The following CEMIP variants were observed in gnomAD, a reference collection of about 807,000 sequenced individuals.
The protein encoded by CEMIP is cell migration-inducing and hyaluronan-binding protein.
In CEMIP, 105 loss-of-function variants were observed where a neutral mutation model predicts 156.9. The ratio of observed to expected loss-of-function variants is 0.67; its 90% CI spans 0.57 to 0.79. The LOEUF is 0.79. CEMIP is among the 30% of genes least tolerant of loss of function. The pLI is 0.00. For missense variants in CEMIP, 1,457 were observed against 1,769.4 expected (o/e 0.82, Z 3.17); for synonymous variants, 676 against 668.4 (o/e 1.01, Z -0.17).
chr15:80,804,211 G>A (rs1198119872), intron 1 of CEMIP, among the ~76,000 whole-genome samples: 2 of 152,144 alleles, frequency 1.3e-5, no homozygotes, highest in African/African-American at 4.8e-5. Flanking sequence ...ATGAGATTTG[G>A]GTGGGGACAC....
At chr15:80,880,679 G>C (rs1898621151) in intron 5 of CEMIP, among the ~76,000 whole-genome samples, 1 of 152,144 alleles carries the variant, frequency 6.6e-6, no homozygotes, top group South Asian at 2.1e-4. Context: ...CAAGTGATCT[G>C]CCTGTCTCGG....
At chr15:80,872,137 G>A (rs942240292) in intron 1 of CEMIP, among the ~76,000 whole-genome samples, 12 of 152,328 alleles carry the variant, frequency 7.9e-5, no homozygotes, top group Admixed American at 4.6e-4. Flanking sequence ...ACTTTGAACC[G>A]AAAGGTCAGG....
intron 14 of CEMIP, among the ~76,000 whole-genome samples, chr15:80,917,434 T>G (rs1900315525): frequency 6.6e-6 from 1 of 152,206 alleles, no homozygotes; most frequent in Non-Finnish European, 1.5e-5. Flanking sequence ...GCATTAAACT[T>G]GACCTCAGAT....
chr15:80,946,780 C>G, intron 28 of CEMIP, 185 bp from the exon 29 acceptor site: 2 of 627,022 alleles, frequency 3.2e-6, no homozygotes, highest in East Asian at 2.9e-5. Context: ...TCAGGATGTT[C>G]GTCACCACAT....
chr15:80,812,890 G>T (rs940946193), intron 1 of CEMIP, among the ~76,000 whole-genome samples: 3 of 152,202 alleles, frequency 2.0e-5, no homozygotes, highest in Admixed American at 6.5e-5. Context: ...TGTGTGCCCT[G>T]TTGGAAGGGT....
rs1025753266 is a variant in CEMIP, at chr15:80,906,389, G to A, written c.1412-274G>A. Among the ~76,000 whole-genome samples, 2 of 152,228 alleles carry A rather than the reference G, an allele frequency of 1.3e-5. No individual in the cohort carries two copies. The highest frequency in any genetic ancestry group is 4.8e-5 in the African/African-American group (2 of 41,464). ...GTCCAGCTAAAATGCAGGAGTCTAG[G>A]ACTGAAAAACAGAAGAGGAGACAAA... is the stretch of plus-strand genomic sequence containing the variant. On this transcript the variant is annotated intron_variant, in intron 12 of 29. Transcript: ENST00000394685. This position sits in a 1 kb window ranked among gnomAD's most constrained non-coding sequence, Gnocchi z 4.3.
rs1416934373 is a variant in CEMIP, at chr15:80,873,853, T to C, written c.-16-11T>C. ...AGGCTGCATGTCTGACTCTGTGTGC[T>C]TCTCTTTCAGGGAGCACACTGCCAG... On this transcript the variant is annotated splice_polypyrimidine_tract_variant and intron_variant, in intron 2 of 29. Transcript: ENST00000394685. 11 of 1,556,438 alleles carry C rather than the reference T, an allele frequency of 7.1e-6. No homozygotes were observed. The highest frequency in any genetic ancestry group is 4.7e-5 in the South Asian group (4 of 84,728).
chr15:80,900,672 GTGTGTATTT>G (rs1899486696), intron 12 of CEMIP, among the ~76,000 whole-genome samples: 4 of 147,828 alleles, frequency 2.7e-5, no homozygotes, highest in African/African-American at 1.0e-4. Context: ...CTGTGTGTGT[GTGTGTATTT>G]TGTGTGTGTA....
intron 1 of CEMIP, among the ~76,000 whole-genome samples, chr15:80,814,924 G>T (rs1896757711): frequency 6.6e-6 from 1 of 152,138 alleles, no homozygotes; most frequent in Non-Finnish European, 1.5e-5. Flanking sequence ...TGCCCTCAGT[G>T]ATCCTCCCCT....
chr15:80,933,518 C>T (rs2059616912), intron 23 of CEMIP, 58 bp downstream of exon 23: 5 of 1,320,382 alleles, frequency 3.8e-6, no homozygotes, highest in Non-Finnish European at 4.4e-6. Flanking sequence ...AACAAGCATT[C>T]AGTGAGTGTC....
At chr15:80,848,835 C>T (rs1398273025) in intron 1 of CEMIP, among the ~76,000 whole-genome samples, 1 of 151,010 alleles carries the variant, frequency 6.6e-6, no homozygotes, top group African/African-American at 2.4e-5. Flanking sequence ...ATCTTTTCTG[C>T]ACTCCCAGAA....
In CEMIP at chr15:80,901,617, G is replaced by A. The variant is rs181775276; in HGVS notation, c.1412-5046G>A. Reference sequence around the variant, plus strand: ...CTCGGGAGGCTGCAGCAGGAGAATCGCTTGAACCTTGGAGGTGGAGGTTGC... The same window carrying A: ...CTCGGGAGGCTGCAGCAGGAGAATCACTTGAACCTTGGAGGTGGAGGTTGC... On this transcript the variant is annotated intron_variant, in intron 12 of 29. Transcript: ENST00000394685. 2.6e-3 allele frequency among the ~76,000 whole-genome samples: 394 copies of A among 151,754 alleles called. 5 individuals carry two copies. The highest frequency in any genetic ancestry group is 1.4e-3 in the Non-Finnish European group (95 of 67,974).
intron 1 of CEMIP, among the ~76,000 whole-genome samples, chr15:80,790,701 G>A (rs768731463): frequency 2.0e-5 from 3 of 151,998 alleles, no homozygotes; most frequent in Non-Finnish European, 2.9e-5. Flanking sequence ...ATGTTGAGGG[G>A]AATATTAGAA....
chr15:80,884,412 C>A, intron 7 of CEMIP, 58 bp downstream of exon 7: 1 of 1,565,448 alleles, frequency 6.4e-7, no homozygotes, highest in Non-Finnish European at 8.8e-7. Context: ...CACTCTATCC[C>A]ACTGAGAATT....
At position 80,943,190 on chromosome 15, in the gene CEMIP, C is replaced by T. The variant is rs989305155; in HGVS notation, c.3857+88C>T. Reference sequence around the variant, plus strand: ...CCCTCCCTCTCACAAAGGCCCTCATCACAGATCAGTCTGGAAAAGCTCAGG... The same window carrying T: ...CCCTCCCTCTCACAAAGGCCCTCATTACAGATCAGTCTGGAAAAGCTCAGG... On this transcript the variant is annotated intron_variant, in intron 28 of 29. Coordinates refer to ENST00000394685, the MANE Select transcript of CEMIP (RefSeq NM_001293298.2). 3.6e-6 allele frequency: 5 copies of T among 1,402,452 alleles called. No homozygotes were observed. In the Admixed American group the frequency reaches 8.4e-5, roughly 23 times the overall value. The allele number at this position is 1,402,452 out of a possible 1,614,324, so 86.9% of individuals were successfully genotyped here.
intron 1 of CEMIP, among the ~76,000 whole-genome samples, chr15:80,863,947 C>A (rs147009043): frequency 1.2e-3 from 177 of 152,104 alleles, no homozygotes; most frequent in African/African-American, 4.1e-3. Flanking sequence ...CTTTGCCTTC[C>A]TCTCCCCTCC....
In CEMIP at chr15:80,921,159, G is replaced by C. The variant is rs1596192756; in HGVS notation, c.2073+58G>C. 1.4e-6 allele frequency: 2 copies of C among 1,462,744 alleles called. 1 individual carries two copies. The highest frequency in any genetic ancestry group is 1.9e-6 in the Non-Finnish European group (2 of 1,049,386). 90.6% of individuals were successfully genotyped at this position (1,462,744 alleles called of 1,614,324 possible). ...TGAGGGTGGGGGCTGGAGTCAGGGA[G>C]ACAGCCGAGGCTTACCTTGAAACAT... On this transcript the variant is annotated intron_variant, in intron 16 of 29. Coordinates refer to ENST00000394685, the MANE Select transcript of CEMIP (RefSeq NM_001293298.2).
chr15:80,884,866 C>T (rs182162857), intron 7 of CEMIP, among the ~76,000 whole-genome samples: 1 of 152,298 alleles, frequency 6.6e-6, no homozygotes, highest in African/African-American at 2.4e-5. Flanking sequence ...CACATTGACA[C>T]TAAGAGGAAG....
chr15:80,924,397 C>A (rs1288774808), intron 17 of CEMIP, among the ~76,000 whole-genome samples: 2 of 152,222 alleles, frequency 1.3e-5, no homozygotes, highest in African/African-American at 4.8e-5. Flanking sequence ...GTTTCCAAAT[C>A]TGCTCCTCAA....
Sources: gnomAD v4.1 joint callset for allele counts (sites outside exome capture counted in the v4.1 genomes callset) on GRCh38, gnomAD v4.1.1 for gene constraint, Gnocchi (gnomAD v3.1) non-coding constraint, MANE v1.5 for transcripts, NCBI Gene and HGNC (gene_info 2026-07-23, HGNC 2026-07-21) for gene names.